HTR2C: variants seen among roughly 807,000 people sequenced by gnomAD.
The protein encoded by HTR2C is 5-hydroxytryptamine (serotonin) receptor 2C, G protein-coupled.
Under a neutral mutation model 21.0 loss-of-function variants are expected in HTR2C, and 5 were observed. The observed-to-expected ratio is 0.24, with a 90% CI of 0.12 to 0.50. The LOEUF (loss-of-function observed/expected upper bound fraction) is 0.50. HTR2C is among the 20% of genes least tolerant of loss of function. HTR2C has a pLI of 0.98. For synonymous variants in HTR2C, 150 were observed against 145.3 expected, an observed-to-expected ratio of 1.03 and a Z score of -0.23; for missense variants, 271 against 371.2, an observed-to-expected ratio of 0.73 and a Z score of 2.22.
intron 4 of HTR2C, among the ~76,000 whole-genome samples, chrX:114,842,853 C>A (rs2070845322): frequency 9.0e-6 from 1 of 111,465 alleles, no homozygotes; most frequent in South Asian, 3.7e-4. Flanking sequence ...TGCTAGGTAA[C>A]CACCAAACTA....
At chrX:114,830,338 G>A (rs1362380904) in intron 4 of HTR2C, among the ~76,000 whole-genome samples, 1 of 111,353 alleles carries the variant, frequency 9.0e-6, no homozygotes, top group Non-Finnish European at 1.9e-5. Flanking sequence ...GAAGATTTCG[G>A]GCCGTACTAA....
intron 5 of HTR2C, among the ~76,000 whole-genome samples, chrX:114,853,189 C>G (rs2070933316): frequency 9.0e-6 from 1 of 111,459 alleles, no homozygotes. Context: ...AGTGCCATTG[C>G]TAAATCAGTT....
At chrX:114,814,349 T>G (rs2070562121) in intron 4 of HTR2C, among the ~76,000 whole-genome samples, 2 of 110,737 alleles carry the variant, frequency 1.8e-5, no homozygotes, top group Admixed American at 2.0e-4. Context: ...CCCTAAAAGC[T>G]ACAGAACATA....
chrX:114,698,401 GA>G, intron 2 of HTR2C, among the ~76,000 whole-genome samples: 1 of 108,895 alleles, frequency 9.2e-6, no homozygotes, highest in Middle Eastern at 4.7e-3. Flanking sequence ...CCATAGCATT[GA>G]AATGCGTTGT....
At chrX:114,600,038 G>A (rs1174559031) in intron 1 of HTR2C, among the ~76,000 whole-genome samples, 2 of 111,621 alleles carry the variant, frequency 1.8e-5, no homozygotes, top group East Asian at 2.8e-4. Flanking sequence ...GAAAAGGAAA[G>A]AGAAAGGGAA....
Position 114,731,487 on chromosome X carries a change from G to A in HTR2C, c.229G>A (p.Ala77Thr), listed in dbSNP as rs2069536870. ...TIGGNILVIM[A>T]VSMEKKLHNA... The stretch of plus-strand genomic sequence containing the variant: ...AGGTGGCAACATCCTTGTGATCATG[G>A]CAGTAAGCATGGAAAAGAAACTGCA... The change falls in exon 4 of 6, where the codon GCA (alanine) becomes ACA (threonine). Residue 77 changes from alanine (A) to threonine (T), a missense_variant. Transcript: ENST00000276198. 2.5e-6 allele frequency: 3 copies of A among 1,207,138 alleles called. No homozygotes were observed. The East Asian group carries it at 8.9e-5, about 36-fold the overall frequency.
intron 2 of HTR2C, among the ~76,000 whole-genome samples, chrX:114,724,301 G>C (rs1933354663): frequency 1.0e-5 from 1 of 98,918 alleles, no homozygotes; most frequent in South Asian, 5.4e-4. Flanking sequence ...GATCTTTGTT[G>C]GTTTAAAGTC....
intron 4 of HTR2C, among the ~76,000 whole-genome samples, chrX:114,837,698 C>A (rs1409034083): frequency 9.7e-6 from 1 of 102,804 alleles, no homozygotes; most frequent in African/African-American, 3.5e-5. Context: ...GTCCTACAGT[C>A]AAAAAAAAAA....
At chrX:114,771,081 C>T (rs1297161776) in intron 4 of HTR2C, among the ~76,000 whole-genome samples, 3 of 111,319 alleles carry the variant, frequency 2.7e-5, no homozygotes, top group Non-Finnish European at 5.6e-5. Context: ...GGATTACAGG[C>T]GTGAACCACC....
intron 4 of HTR2C, among the ~76,000 whole-genome samples, chrX:114,806,870 A>G (rs1395564782): frequency 3.0e-5 from 3 of 101,453 alleles, no homozygotes; most frequent in African/African-American, 1.1e-4. Flanking sequence ...TATATATACC[A>G]TGTATATACA....
chrX:114,836,734 C>T (rs1452289612), intron 4 of HTR2C, among the ~76,000 whole-genome samples: 3 of 111,935 alleles, frequency 2.7e-5, no homozygotes, highest in Admixed American at 1.9e-4. Context: ...TCCTCCCCCT[C>T]GGTAACTTTT....
At chrX:114,606,797 T>C (rs1405583438) in intron 1 of HTR2C, among the ~76,000 whole-genome samples, 1 of 111,512 alleles carries the variant, frequency 9.0e-6, no homozygotes, top group Non-Finnish European at 1.9e-5. Flanking sequence ...CCAAATTTCA[T>C]GTGTGTCCGT....
At chrX:114,784,823 G>A (rs1339287065) in intron 4 of HTR2C, among the ~76,000 whole-genome samples, 1 of 109,912 alleles carries the variant, frequency 9.1e-6, no homozygotes, top group Non-Finnish European at 1.9e-5. Context: ...GTTTCACCGC[G>A]TTAGCCAGGA....
In HTR2C at chrX:114,621,813, A is replaced by AG. The variant is rs781884676; in HGVS notation, c.-80+7938dup. Among the ~76,000 whole-genome samples the AG allele has an allele frequency of 7.1e-4, 80 of 112,178 alleles. No individual in the cohort carries two copies. In the Middle Eastern group the frequency reaches 0.014, roughly 19 times the overall value. Reference sequence around the variant, plus strand: ...GTCTAGGTTGAGAAGGCTCAATGAAAGGGGGGTCCCTTAAATGCATGTCTA... The same window carrying AG: ...GTCTAGGTTGAGAAGGCTCAATGAAAGGGGGGGTCCCTTAAATGCATGTCTA... On this transcript the variant is annotated intron_variant, in intron 2 of 5. Coordinates refer to ENST00000276198, the MANE Select transcript of HTR2C (RefSeq NM_000868.4).
chrX:114,754,037 C>A (rs1410750781), intron 4 of HTR2C, among the ~76,000 whole-genome samples: 4 of 111,233 alleles, frequency 3.6e-5, no homozygotes, highest in Non-Finnish European at 7.5e-5. Flanking sequence ...ATGGTCTTCC[C>A]TCAGTACTGT....
intron 4 of HTR2C, among the ~76,000 whole-genome samples, chrX:114,764,782 C>T (rs2069920978): frequency 9.0e-6 from 1 of 111,484 alleles, no homozygotes; most frequent in Admixed American, 9.6e-5. Flanking sequence ...ATTAGAATTC[C>T]CTCTGTAGTG....
At chrX:114,842,879 T>G (rs2070845485) in intron 4 of HTR2C, among the ~76,000 whole-genome samples, 1 of 111,803 alleles carries the variant, frequency 8.9e-6, no homozygotes, top group African/African-American at 3.2e-5. Flanking sequence ...ATGCTGATTT[T>G]AGCTGCCACA....
chrX:114,683,219 C>T (rs1931803253), intron 2 of HTR2C, among the ~76,000 whole-genome samples: 1 of 111,566 alleles, frequency 9.0e-6, no homozygotes, highest in Non-Finnish European at 1.9e-5. Flanking sequence ...TTCTTTACAA[C>T]ACTCGTTGAA....
intron 4 of HTR2C, among the ~76,000 whole-genome samples, chrX:114,822,554 CTG>C (rs2070644254): frequency 1.8e-5 from 2 of 112,147 alleles, no homozygotes; most frequent in African/African-American, 6.5e-5. Flanking sequence ...CCATTCAACT[CTG>C]AAGAAAATAT....
Sources: allele counts gnomAD v4.1 joint callset (sites outside exome capture counted in the v4.1 genomes callset), GRCh38; gene constraint gnomAD v4.1.1; transcripts MANE v1.5; gene names NCBI Gene and HGNC (gene_info 2026-07-23, HGNC 2026-07-21).